Variants in ZFHX3 observed in about 807,000 individuals in gnomAD.
The protein encoded by ZFHX3 is zinc finger homeobox 3.
Under a neutral mutation model 279.1 loss-of-function variants are expected in ZFHX3, and 42 were observed. That is an observed-to-expected ratio of 0.15 (90% CI 0.12 to 0.19). The LOEUF is 0.19. Ranked by LOEUF, ZFHX3 falls within the 10% of genes least tolerant of loss-of-function variation. The probability of loss-of-function intolerance (pLI) is 1.00; values close to 1 mark genes in which losing one functional copy is unlikely to be tolerated. For missense variants in ZFHX3, 4,981 were observed against 4,754.0 expected (o/e 1.05, Z -1.40); for synonymous variants, 2,293 against 1,957.8 (o/e 1.17, Z -4.52).
intron 2 of ZFHX3, among the ~76,000 whole-genome samples, chr16:73,503,597 CA>C (rs2019275205): frequency 6.6e-6 from 1 of 152,184 alleles, no homozygotes; most frequent in South Asian, 2.1e-4. Context: ...GTGTCAGTTA[CA>C]GTGTTTTTTG....
intron 2 of ZFHX3, among the ~76,000 whole-genome samples, chr16:73,574,902 A>G (rs1014327331): frequency 6.6e-6 from 1 of 152,042 alleles, no homozygotes; most frequent in African/African-American, 2.4e-5. Flanking sequence ...ACCTCTAATG[A>G]CCCACAGCCC....
At chr16:73,157,476 A>AAAAAAAAAAC (rs1967120744) in intron 5 of ZFHX3, among the ~76,000 whole-genome samples, 1 of 151,170 alleles carries the variant, frequency 6.6e-6, no homozygotes, top group Non-Finnish European at 1.5e-5. Context: ...AAAAAAAAAA[A>AAAAAAAAAAC]AAAAAAAGGC....
At chr16:73,019,911 G>A (rs534063016) in intron 1 of ZFHX3, among the ~76,000 whole-genome samples, 5 of 152,232 alleles carry the variant, frequency 3.3e-5, no homozygotes, top group South Asian at 2.1e-4. Flanking sequence ...GCATAAACAC[G>A]TTTTTAAAAA....
At chr16:73,093,139 C>T (rs775231838) in intron 8 of ZFHX3, 4 of 520,150 alleles carry the variant, frequency 7.7e-6, no homozygotes, top group Non-Finnish European at 1.5e-5. Context: ...ACAACCCCGA[C>T]AGCTGCAAAC....
chr16:73,495,189 T>C (rs2019121798), intron 2 of ZFHX3, among the ~76,000 whole-genome samples: 1 of 152,246 alleles, frequency 6.6e-6, no homozygotes, highest in Non-Finnish European at 1.5e-5. Flanking sequence ...TTTTATTCCC[T>C]GATCTAATGC....
In ZFHX3 at chr16:73,196,011, T is replaced by A. The variant is rs138140480; in HGVS notation, c.-1103-52180A>T. Among the ~76,000 whole-genome samples, 3 of 152,314 alleles carry A rather than the reference T, an allele frequency of 2.0e-5. No individual in the cohort carries two copies. The East Asian group carries it at 5.8e-4, about 29-fold the overall frequency. On this transcript the variant is annotated intron_variant, in intron 5 of 17. Coordinates refer to the ZFHX3 transcript ENST00000641206. ...CACATGCCGTGTACATATTAGGTACTCAGTAAGTTAATGAAACAGAAACAA... is the reference window on the plus strand; with the variant it reads ...CACATGCCGTGTACATATTAGGTACACAGTAAGTTAATGAAACAGAAACAA...
intron 2 of ZFHX3, among the ~76,000 whole-genome samples, chr16:73,597,335 C>T (rs2052061594): frequency 6.6e-6 from 1 of 152,178 alleles, no homozygotes. Flanking sequence ...ACTCTGTAGA[C>T]TATCTATTTA....
At chr16:73,658,465 G>C (rs2052745560) in intron 2 of ZFHX3, among the ~76,000 whole-genome samples, 1 of 152,252 alleles carries the variant, frequency 6.6e-6, no homozygotes, top group East Asian at 1.9e-4. Context: ...ACCACACCCA[G>C]CTAATTTTTG....
intron 2 of ZFHX3, among the ~76,000 whole-genome samples, chr16:73,669,731 G>A (rs920266560): frequency 2.6e-5 from 4 of 152,178 alleles, no homozygotes; most frequent in Non-Finnish European, 5.9e-5. Flanking sequence ...TTTCACTTTA[G>A]TTTCAACTAA....
intron 3 of ZFHX3, among the ~76,000 whole-genome samples, chr16:73,356,674 C>G (rs758869056): frequency 6.6e-6 from 1 of 152,012 alleles, no homozygotes; most frequent in African/African-American, 2.4e-5. Context: ...GTGTCAAGGA[C>G]GGAGCCAGCA....
At chr16:73,245,718 A>C (rs2013260948) in intron 5 of ZFHX3, among the ~76,000 whole-genome samples, 1 of 152,166 alleles carries the variant, frequency 6.6e-6, no homozygotes. Flanking sequence ...AACCCCATGG[A>C]AACTCATCAG....
At chr16:73,526,998 G>A (rs1011132158) in intron 2 of ZFHX3, among the ~76,000 whole-genome samples, 1 of 151,940 alleles carries the variant, frequency 6.6e-6, no homozygotes, top group Non-Finnish European at 1.5e-5. Context: ...TCCAATATAA[G>A]AGACAACTAG....
At chr16:73,212,049 A>C (rs2012037827) in intron 5 of ZFHX3, among the ~76,000 whole-genome samples, 2 of 152,276 alleles carry the variant, frequency 1.3e-5, no homozygotes, top group Middle Eastern at 3.4e-3. Flanking sequence ...CTGAACATTA[A>C]TAATTCTTCT....
chr16:73,664,067 C>G (rs577081651), intron 2 of ZFHX3, among the ~76,000 whole-genome samples: 5 of 152,234 alleles, frequency 3.3e-5, no homozygotes, highest in Admixed American at 3.3e-4. Flanking sequence ...AATAATTTTA[C>G]TCTGGGAAGG....
At chr16:73,382,062 T>C (rs189831403) in intron 3 of ZFHX3, among the ~76,000 whole-genome samples, 1 of 152,346 alleles carries the variant, frequency 6.6e-6, no homozygotes, top group Non-Finnish European at 1.5e-5. Context: ...CTGTGGGCCA[T>C]AGTTTGTCAA....
chr16:73,695,177 A>G (rs1383193304), intron 1 of ZFHX3, among the ~76,000 whole-genome samples: 2 of 152,134 alleles, frequency 1.3e-5, no homozygotes, highest in African/African-American at 2.4e-5. Context: ...AGCCAAATAT[A>G]TCTATACTAT....
intron 1 of ZFHX3, among the ~76,000 whole-genome samples, chr16:73,816,748 C>T (rs575947172): frequency 3.9e-5 from 6 of 152,184 alleles, no homozygotes; most frequent in African/African-American, 1.4e-4. Context: ...CAGAACTGGT[C>T]ACTAGAGGAC....
chr16:73,678,089 C>A (rs547779337), intron 2 of ZFHX3, among the ~76,000 whole-genome samples: 54 of 152,054 alleles, frequency 3.6e-4, no homozygotes, highest in Non-Finnish European at 6.9e-4. Flanking sequence ...TTTGGCATTA[C>A]CAAATATACA....
intron 1 of ZFHX3, among the ~76,000 whole-genome samples, chr16:73,752,786 A>G (rs2053772914): frequency 6.6e-6 from 1 of 152,132 alleles, no homozygotes; most frequent in African/African-American, 2.4e-5. Flanking sequence ...AGGAGGGCAA[A>G]AGTAACCAAT....
Sources: allele counts gnomAD v4.1 joint callset (sites outside exome capture counted in the v4.1 genomes callset), GRCh38; gene constraint gnomAD v4.1.1; transcripts MANE v1.5; gene names NCBI Gene and HGNC (gene_info 2026-07-23, HGNC 2026-07-21).